SEMA3A: variants seen among roughly 807,000 people sequenced by gnomAD.
SEMA3A encodes semaphorin-3A.
Under a neutral mutation model 97.9 loss-of-function variants are expected in SEMA3A, and 29 were observed. The ratio of observed to expected loss-of-function variants is 0.30; its 90% CI spans 0.22 to 0.40. SEMA3A has a LOEUF of 0.40. SEMA3A is among the 10% of genes least tolerant of loss of function. The pLI is 1.00. For missense variants in SEMA3A, 763 were observed against 951.3 expected (o/e 0.80, Z 2.60); for synonymous variants, 321 against 323.7 (o/e 0.99, Z 0.09).
chr7:84,124,698 T>C (rs1303911653), intron 3 of SEMA3A, among the ~76,000 whole-genome samples: 1 of 152,114 alleles, frequency 6.6e-6, no homozygotes, highest in Non-Finnish European at 1.5e-5. Context: ...TTATGTTTAT[T>C]AAGGAAGGGA....
At chr7:84,217,574 TA>T (rs1798778982) in intron 3 of SEMA3A, among the ~76,000 whole-genome samples, 1 of 151,968 alleles carries the variant, frequency 6.6e-6, no homozygotes, top group Admixed American at 6.6e-5. Context: ...AAAGATGGGG[TA>T]TGAAGAGGGA....
intron 2 of SEMA3A, among the ~76,000 whole-genome samples, chr7:84,353,974 T>C (rs1197271008): frequency 6.6e-6 from 1 of 151,638 alleles, no homozygotes; most frequent in African/African-American, 2.4e-5. Context: ...TGAGAACAGA[T>C]GTTATCTCTA....
Position 84,029,478 on chromosome 7 carries a change from TTAACTA to T in SEMA3A, c.668-15133_668-15128del, listed in dbSNP as rs149780196. Among the ~76,000 whole-genome samples the T allele has an allele frequency of 5.3e-3, 808 of 152,310 alleles. 6 individuals carry two copies. The highest frequency in any genetic ancestry group is 0.017 in the Middle Eastern group (5 of 294). ...ATGTGTTTTGATTAATCTAGCTACTTTAACTATAATGTTTATAGGCATTTCTATAAT... is the reference window on the plus strand; with the variant it reads ...ATGTGTTTTGATTAATCTAGCTACTTTAATGTTTATAGGCATTTCTATAAT... On this transcript the variant is annotated intron_variant, in intron 6 of 16. Transcript: ENST00000265362.
intron 1 of SEMA3A, among the ~76,000 whole-genome samples, chr7:84,479,557 G>A (rs779005457): frequency 1.3e-5 from 2 of 152,158 alleles, no homozygotes; most frequent in Non-Finnish European, 2.9e-5. Context: ...AGTATGGGCA[G>A]CTATCAAATA....
At chr7:84,371,921 ATAAT>A (rs1204764263) in intron 1 of SEMA3A, 1 of 152,066 alleles carries the variant, frequency 6.6e-6, no homozygotes, top group Non-Finnish European at 1.5e-5. Context: ...AAGCAAACAA[ATAAT>A]TTATAAAGTT....
intron 4 of SEMA3A, among the ~76,000 whole-genome samples, chr7:84,083,371 T>G (rs1271801928): frequency 6.6e-6 from 1 of 152,002 alleles, no homozygotes; most frequent in Admixed American, 6.6e-5. Flanking sequence ...TTGATGCAAG[T>G]ACACAATGTG....
intron 1 of SEMA3A, among the ~76,000 whole-genome samples, chr7:84,466,092 CT>C (rs1209395739): frequency 1.3e-5 from 2 of 152,174 alleles, no homozygotes; most frequent in Non-Finnish European, 2.9e-5. Context: ...ACAAGTTAGT[CT>C]GTGACATAAT....
intron 5 of SEMA3A, among the ~76,000 whole-genome samples, chr7:84,052,738 T>A (rs1198034312): frequency 6.6e-6 from 1 of 151,290 alleles, no homozygotes; most frequent in East Asian, 2.0e-4. Flanking sequence ...TTTTAGTTAT[T>A]TCTTGCCTTC....
chr7:84,064,443 C>G (rs1404412423), intron 4 of SEMA3A, among the ~76,000 whole-genome samples: 2 of 152,016 alleles, frequency 1.3e-5, no homozygotes, highest in Non-Finnish European at 2.9e-5. Flanking sequence ...TGTAAATGGA[C>G]TAAATGCTCC....
At chr7:84,073,105 T>A (rs1793803601) in intron 4 of SEMA3A, among the ~76,000 whole-genome samples, 3 of 152,176 alleles carry the variant, frequency 2.0e-5, no homozygotes, top group Admixed American at 2.0e-4. Flanking sequence ...ACACTAAAAC[T>A]ATTTTATTTT....
chr7:84,198,035 C>T (rs1163849975), upstream of SEMA3A, among the ~76,000 whole-genome samples: 1 of 152,026 alleles, frequency 6.6e-6, no homozygotes, highest in East Asian at 1.9e-4. Flanking sequence ...CCCCCGAGCC[C>T]GGCCAGATCA....
At chr7:84,080,122 A>C (rs543376109) in intron 4 of SEMA3A, among the ~76,000 whole-genome samples, 1 of 137,508 alleles carries the variant, frequency 7.3e-6, no homozygotes, top group South Asian at 2.5e-4. Context: ...CAAACACTGC[A>C]TGTTCTCACT....
intron 12 of SEMA3A, among the ~76,000 whole-genome samples, chr7:83,990,338 C>A (rs1042148820): frequency 1.3e-5 from 2 of 151,962 alleles, no homozygotes; most frequent in African/African-American, 4.8e-5. Flanking sequence ...TCCCATTTGT[C>A]AATTTTGGCT....
intron 3 of SEMA3A, among the ~76,000 whole-genome samples, chr7:84,293,908 AT>A (rs1189835631): frequency 1.3e-5 from 2 of 152,060 alleles, no homozygotes; most frequent in Non-Finnish European, 2.9e-5. Flanking sequence ...TACACATTGA[AT>A]TTGTTATTTG....
At chr7:84,155,517 C>A (rs936068128) in intron 1 of SEMA3A, among the ~76,000 whole-genome samples, 1 of 152,080 alleles carries the variant, frequency 6.6e-6, no homozygotes, top group Non-Finnish European at 1.5e-5. Context: ...AATTTCTGTT[C>A]GTTGGATTAT....
chr7:84,073,432 T>A (rs1793819073), intron 4 of SEMA3A, among the ~76,000 whole-genome samples: 1 of 152,040 alleles, frequency 6.6e-6, no homozygotes, highest in South Asian at 2.1e-4. Flanking sequence ...AAGAATAACA[T>A]AAAGTTGAGT....
At chr7:84,288,836 T>C (rs1024894626) in intron 3 of SEMA3A, among the ~76,000 whole-genome samples, 1 of 152,138 alleles carries the variant, frequency 6.6e-6, no homozygotes, top group Non-Finnish European at 1.5e-5. Flanking sequence ...AAAAAAACTG[T>C]ATAATCCAGC....
intron 3 of SEMA3A, chr7:84,306,301 C>A (rs945711338): frequency 1.3e-5 from 2 of 151,690 alleles, no homozygotes; most frequent in Non-Finnish European, 2.9e-5. Context: ...GGATAATCAT[C>A]CAGTTAAATC....
At chr7:84,306,199 ATGT>A (rs1190137046) in intron 3 of SEMA3A, among the ~76,000 whole-genome samples, 1 of 151,868 alleles carries the variant, frequency 6.6e-6, no homozygotes, top group African/African-American at 2.4e-5. Flanking sequence ...TGATATTTCC[ATGT>A]AGCATTATAT....
Sources: gnomAD v4.1 joint callset for allele counts (sites outside exome capture counted in the v4.1 genomes callset) on GRCh38, gnomAD v4.1.1 for gene constraint, MANE v1.5 for transcripts, NCBI Gene and HGNC (gene_info 2026-07-23, HGNC 2026-07-21) for gene names.